Variants in PTPN4 observed in about 807,000 individuals in gnomAD.
PTPN4 encodes tyrosine-protein phosphatase non-receptor type 4.
A neutral mutation model predicts 135.5 loss-of-function variants in PTPN4; 49 were observed. That is an observed-to-expected ratio of 0.36 (90% CI 0.29 to 0.46). The LOEUF is 0.46. Among genes scored for constraint, PTPN4 ranks in the 20% least tolerant of loss-of-function variants. PTPN4 has a pLI of 1.00. For missense variants in PTPN4, 860 were observed against 1,101.0 expected (o/e 0.78, Z 3.10); for synonymous variants, 333 against 369.9 (o/e 0.90, Z 1.14).
At chr2:119,878,134 T>G (rs1218557909) in intron 5 of PTPN4, among the ~76,000 whole-genome samples, 1 of 152,180 alleles carries the variant, frequency 6.6e-6, no homozygotes, top group African/African-American at 2.4e-5. Context: ...TCAGCTTATG[T>G]TACTATCTAA....
chr2:119,821,477 C>CT (rs911592891), intron 2 of PTPN4, among the ~76,000 whole-genome samples: 34 of 148,250 alleles, frequency 2.3e-4, no homozygotes, highest in East Asian at 5.9e-4. Context: ...TATTATGACA[C>CT]TTTTTTTTTT....
intron 1 of PTPN4, among the ~76,000 whole-genome samples, chr2:119,772,173 A>AG (rs1690747922): frequency 6.6e-6 from 1 of 152,218 alleles, no homozygotes; most frequent in Non-Finnish European, 1.5e-5. Flanking sequence ...TACTGTTTCC[A>AG]GCCTAGCACA....
rs1017934514 is a variant in PTPN4 at position 119,860,192 on chromosome 2, A to G, written c.139-2344A>G. 2.0e-5 allele frequency among the ~76,000 whole-genome samples: 3 copies of G among 152,358 alleles called. No homozygotes were observed. In the South Asian group the frequency reaches 6.2e-4, roughly 32 times the overall value. ...CCCAGACAAATATAATCAGAATGAG[A>G]GACAGGTCAGGGAGGTAGACTGTAT... On this transcript the variant is annotated intron_variant, in intron 2 of 26. Coordinates refer to ENST00000263708, the MANE Select transcript of PTPN4 (RefSeq NM_002830.4).
At chr2:119,948,617 A>C (rs1038687238) in intron 18 of PTPN4, among the ~76,000 whole-genome samples, 1 of 152,282 alleles carries the variant, frequency 6.6e-6, no homozygotes, top group Middle Eastern at 3.4e-3. Flanking sequence ...GGAACAAAGA[A>C]ATACAAGGAT....
chr2:119,825,653 G>A (rs1574354449), intron 2 of PTPN4, among the ~76,000 whole-genome samples: 2 of 151,900 alleles, frequency 1.3e-5, no homozygotes, highest in Admixed American at 6.6e-5. Flanking sequence ...CTGCCACCAC[G>A]CCTGGCTAAT....
chr2:119,845,675 G>T (rs147616986), intron 2 of PTPN4, among the ~76,000 whole-genome samples: 1 of 152,010 alleles, frequency 6.6e-6, no homozygotes, highest in African/African-American at 2.4e-5. Flanking sequence ...CTAACTTTCG[G>T]TTCTGTTGAT....
At chr2:119,840,593 G>C (rs1401045361) in intron 2 of PTPN4, among the ~76,000 whole-genome samples, 1 of 152,084 alleles carries the variant, frequency 6.6e-6, no homozygotes, top group Admixed American at 6.5e-5. Flanking sequence ...TATTCCTTTG[G>C]GTATGTACCC....
intron 18 of PTPN4, among the ~76,000 whole-genome samples, chr2:119,947,791 C>T (rs202036996): frequency 2.0e-4 from 31 of 151,590 alleles, no homozygotes; most frequent in Admixed American, 8.5e-4. Flanking sequence ...CACACACACA[C>T]ATCAGATTGT....
intron 3 of PTPN4, among the ~76,000 whole-genome samples, chr2:119,869,929 G>A (rs1677886599): frequency 6.6e-6 from 1 of 152,192 alleles, no homozygotes; most frequent in African/African-American, 2.4e-5. Context: ...AAGATTTCTG[G>A]GTAATGTAGT....
At chr2:119,827,235 A>C (rs1320438553) in intron 2 of PTPN4, among the ~76,000 whole-genome samples, 1 of 152,208 alleles carries the variant, frequency 6.6e-6, no homozygotes, top group African/African-American at 2.4e-5. Flanking sequence ...TAACTGCATC[A>C]ACAAACCGAT....
chr2:119,880,206 C>G lies in PTPN4; in HGVS notation c.369-1580C>G, dbSNP rs186628663. ...AAACTAAGGCTCAGCCACATTTTAA[C>G]TAATTTGCCCAAGATCACAGGCTAG... On this transcript the variant is annotated intron_variant, in intron 5 of 26. Transcript: ENST00000263708. 744 of 152,198 alleles carry G rather than the reference C, an allele frequency of 4.9e-3. 11 individuals are homozygous for G. Among genetic ancestry groups the G allele is most frequent in the African/African-American group, 0.017 (716 of 41,538 alleles). 9.4% of individuals were successfully genotyped at this position (152,198 alleles called of 1,614,324 possible). A position where few individuals can be genotyped will look rare whatever the true frequency, so the allele number is the denominator to read the frequency against.
At chr2:119,909,149 GCTACA>G (rs1174204722) in intron 10 of PTPN4, among the ~76,000 whole-genome samples, 2 of 152,042 alleles carry the variant, frequency 1.3e-5, no homozygotes, top group African/African-American at 4.8e-5. Context: ...GTGATGAATG[GCTACA>G]CTAAACAACA....
chr2:119,784,626 A>G (rs1360325674), intron 1 of PTPN4, among the ~76,000 whole-genome samples: 2 of 150,648 alleles, frequency 1.3e-5, no homozygotes, highest in Non-Finnish European at 2.9e-5. Flanking sequence ...TGACCTTGTG[A>G]TCTGCCCGCC....
Position 119,952,517 on chromosome 2 carries a change from T to C in PTPN4, c.1813+388T>C, listed in dbSNP as rs542073414. Among the ~76,000 whole-genome samples the C allele has an allele frequency of 5.9e-5, 9 of 152,296 alleles. No individual in the cohort carries two copies. In the South Asian group the frequency reaches 1.9e-3, roughly 32 times the overall value. ...GAAGGGCTTTCTCTCCTGACTACCA[T>C]AGCTAAAATGGTCTCCCATTTCCCC... is the stretch of plus-strand genomic sequence containing the variant. On this transcript the variant is annotated intron_variant, in intron 19 of 26. Coordinates refer to ENST00000263708, the MANE Select transcript of PTPN4 (RefSeq NM_002830.4).
At chr2:119,815,845 T>C (rs1676976984) in intron 2 of PTPN4, among the ~76,000 whole-genome samples, 1 of 152,214 alleles carries the variant, frequency 6.6e-6, no homozygotes, top group South Asian at 2.1e-4. Flanking sequence ...GATTTTATTG[T>C]TTTTTGTAAT....
At chr2:119,973,065 A>G (rs899616549) in intron 26 of PTPN4, among the ~76,000 whole-genome samples, 39 of 152,244 alleles carry the variant, frequency 2.6e-4, no homozygotes, top group Admixed American at 2.5e-3. Context: ...ATTTTTAAGT[A>G]TACAGTTTAG....
rs952619211 is a variant in PTPN4, at chr2:119,969,853, C to A, written c.2694+1881C>A. Among the ~76,000 whole-genome samples the A allele has an allele frequency of 2.0e-5, 3 of 152,058 alleles. No individual in the cohort carries two copies. The East Asian group carries it at 5.8e-4, about 30-fold the overall frequency. ...GATTACAGGCGTGAGCCACCACACC[C>A]GGCCATCAATTTGTTAATATTATCA... On this transcript the variant is annotated intron_variant, in intron 26 of 26. Transcript: ENST00000263708.
At chr2:119,806,058 T>TA (rs1691461203) in intron 1 of PTPN4, among the ~76,000 whole-genome samples, 1 of 151,888 alleles carries the variant, frequency 6.6e-6, no homozygotes, top group South Asian at 2.1e-4. Flanking sequence ...AGGCCTGGCT[T>TA]ACAAGAGCTC....
At chr2:119,826,607 G>T (rs576417024) in intron 2 of PTPN4, among the ~76,000 whole-genome samples, 3 of 152,252 alleles carry the variant, frequency 2.0e-5, no homozygotes, top group African/African-American at 7.2e-5. Context: ...ACAATACACA[G>T]TACAATCCCT....
Sources: allele counts gnomAD v4.1 joint callset (sites outside exome capture counted in the v4.1 genomes callset), GRCh38; gene constraint gnomAD v4.1.1; transcripts MANE v1.5; gene names NCBI Gene and HGNC (gene_info 2026-07-23, HGNC 2026-07-21).